The following HECW2 variants were observed in gnomAD, a reference collection of about 807,000 sequenced individuals.
HECW2 encodes E3 ubiquitin-protein ligase HECW2.
In HECW2, 61 loss-of-function variants were observed where a neutral mutation model predicts 175.2. The ratio of observed to expected loss-of-function variants is 0.35; its 90% confidence interval spans 0.28 to 0.43. The LOEUF (loss-of-function observed/expected upper bound fraction) is 0.43, where lower values mean the gene tolerates loss of function less well. HECW2 is among the 20% of genes least tolerant of loss of function. HECW2 has a pLI of 1.00. For synonymous variants in HECW2, 671 were observed against 731.0 expected, an observed-to-expected ratio of 0.92 and a Z score of 1.32; for missense variants, 1,524 against 2,000.5, an observed-to-expected ratio of 0.76 and a Z score of 4.54.
chr2:196,280,138 T>G (rs772385883), intron 14 of HECW2, among the ~76,000 whole-genome samples: 1 of 152,172 alleles, frequency 6.6e-6, no homozygotes, highest in East Asian at 1.9e-4. Flanking sequence ...CATGATCAGA[T>G]AGTTAATTAG....
intron 1 of HECW2, among the ~76,000 whole-genome samples, chr2:196,528,957 G>A (rs1688757338): frequency 6.6e-6 from 1 of 152,204 alleles, no homozygotes; most frequent in African/African-American, 2.4e-5. Flanking sequence ...CAGGGAGTTG[G>A]GGTTACCCAG....
chr2:196,491,468 G>A (rs1035030833), intron 1 of HECW2, among the ~76,000 whole-genome samples: 1 of 62,740 alleles, frequency 1.6e-5, no homozygotes, highest in Admixed American at 1.9e-4. Context: ...TATATTAGGT[G>A]TGTGTATATA....
chr2:196,508,288 T>C (rs1687834927), intron 1 of HECW2, among the ~76,000 whole-genome samples: 1 of 152,216 alleles, frequency 6.6e-6, no homozygotes, highest in African/African-American at 2.4e-5. Flanking sequence ...GTGTCAAATA[T>C]AGAAACCTGA....
chr2:196,463,791 T>A (rs1418736201), intron 1 of HECW2, among the ~76,000 whole-genome samples: 1 of 152,216 alleles, frequency 6.6e-6, no homozygotes, highest in Non-Finnish European at 1.5e-5. Flanking sequence ...GGTGGCAGCC[T>A]GTACAGTGAT....
Position 196,575,565 on chromosome 2 carries a change from T to C in HECW2, c.-36+17943A>G, listed in dbSNP as rs528183011. Among the ~76,000 whole-genome samples the C allele has an allele frequency of 3.3e-5, 5 of 152,258 alleles. No homozygotes were observed. In the South Asian group the frequency reaches 8.3e-4, roughly 25 times the overall value. On this transcript the variant is annotated intron_variant, in intron 1 of 28. Coordinates refer to ENST00000644978, the MANE Select transcript of HECW2 (RefSeq NM_001348768.2). ...AAAATATGGTGTATGTATATAGATATATACACACAGTCATGAGCCACATAA... is the reference window on the plus strand; with the variant it reads ...AAAATATGGTGTATGTATATAGATACATACACACAGTCATGAGCCACATAA...
At chr2:196,416,232 T>A (rs1695253365) in intron 2 of HECW2, among the ~76,000 whole-genome samples, 1 of 152,218 alleles carries the variant, frequency 6.6e-6, no homozygotes, top group African/African-American at 2.4e-5. Context: ...TATACAATCA[T>A]GTTAGATCAT....
intron 1 of HECW2, among the ~76,000 whole-genome samples, chr2:196,569,464 T>C (rs978206082): frequency 6.6e-6 from 1 of 152,224 alleles, no homozygotes; most frequent in African/African-American, 2.4e-5. Context: ...TGTCTACTTT[T>C]TCCATATGAT....
chr2:196,226,626 T>A (rs1687860794), intron 22 of HECW2, among the ~76,000 whole-genome samples: 1 of 152,164 alleles, frequency 6.6e-6, no homozygotes, highest in South Asian at 2.1e-4. Context: ...TGTTGACAGA[T>A]GAGACCTCTG....
At chr2:196,457,351 G>C (rs551927185) in intron 1 of HECW2, among the ~76,000 whole-genome samples, 24 of 152,166 alleles carry the variant, frequency 1.6e-4, no homozygotes, top group Non-Finnish European at 3.1e-4. Context: ...TTCCAAGGTT[G>C]TAAGTACCAG....
chr2:196,261,727 T>C (rs1689300922), intron 17 of HECW2, among the ~76,000 whole-genome samples: 1 of 152,254 alleles, frequency 6.6e-6, no homozygotes, highest in African/African-American at 2.4e-5. Flanking sequence ...TTAACTTAAT[T>C]TGTATGTCTT....
chr2:196,497,686 G>A (rs944752208), intron 1 of HECW2, among the ~76,000 whole-genome samples: 2 of 152,096 alleles, frequency 1.3e-5, no homozygotes, highest in Non-Finnish European at 2.9e-5. Flanking sequence ...ATAGAAACTA[G>A]AACCCCTTTT....
intron 1 of HECW2, among the ~76,000 whole-genome samples, chr2:196,580,247 T>G (rs1690721884): frequency 6.6e-6 from 1 of 152,210 alleles, no homozygotes; most frequent in African/African-American, 2.4e-5. Flanking sequence ...AATATCCCAC[T>G]TCTCCTCATG....
At chr2:196,524,782 C>T (rs561997261) in intron 1 of HECW2, among the ~76,000 whole-genome samples, 6 of 119,522 alleles carry the variant, frequency 5.0e-5, no homozygotes, top group South Asian at 5.2e-4. Flanking sequence ...TGCAGTTGAG[C>T]GGCTTTGAGT....
At chr2:196,401,558 C>T (rs1025613221) in intron 2 of HECW2, among the ~76,000 whole-genome samples, 1 of 152,066 alleles carries the variant, frequency 6.6e-6, no homozygotes, top group Admixed American at 6.5e-5. Flanking sequence ...AAAAACGCTA[C>T]CTCAAAAAAT....
chr2:196,216,713 G>T (rs1029075103), intron 27 of HECW2, among the ~76,000 whole-genome samples: 3 of 152,108 alleles, frequency 2.0e-5, no homozygotes, highest in Non-Finnish European at 4.4e-5. Flanking sequence ...GGTACCCTGG[G>T]TGCTTCTTGC....
At chr2:196,257,486 T>C (rs1689105587) in intron 18 of HECW2, among the ~76,000 whole-genome samples, 1 of 152,124 alleles carries the variant, frequency 6.6e-6, no homozygotes, top group Non-Finnish European at 1.5e-5. Flanking sequence ...ACTGAAAGGG[T>C]AAACACTGAG....
intron 1 of HECW2, among the ~76,000 whole-genome samples, chr2:196,569,340 TCTAAA>T (rs200812711): frequency 1.6e-3 from 238 of 149,402 alleles, no homozygotes; most frequent in South Asian, 3.5e-3. Flanking sequence ...AGACACTGTC[TCTAAA>T]CTAAACTAAA....
chr2:196,466,116 C>G (rs1696943259), intron 1 of HECW2, among the ~76,000 whole-genome samples: 1 of 152,164 alleles, frequency 6.6e-6, no homozygotes. Context: ...CCAGCAGAAT[C>G]CAGTGATCAA....
chr2:196,290,714 G>C (rs1690573252), intron 14 of HECW2: 1 of 151,984 alleles, frequency 6.6e-6, no homozygotes, highest in Non-Finnish European at 1.5e-5. Context: ...CCATCCAATG[G>C]AATATTTACA....
Sources: allele counts gnomAD v4.1 joint callset (sites outside exome capture counted in the v4.1 genomes callset), GRCh38; gene constraint gnomAD v4.1.1; transcripts MANE v1.5; gene names NCBI Gene and HGNC (gene_info 2026-07-23, HGNC 2026-07-21).